SV2C: variants seen among roughly 807,000 people sequenced by gnomAD.
SV2C encodes the protein synaptic vesicle glycoprotein 2C, also known as solute carrier family 22 member B3.
Under a neutral mutation model 79.7 loss-of-function variants are expected in SV2C, and 49 were observed. The observed-to-expected ratio is 0.61, with a 90% CI of 0.49 to 0.78. The LOEUF is 0.78. SV2C is among the 30% of genes least tolerant of loss of function. SV2C has a pLI of 0.00. For missense variants in SV2C, 833 were observed against 912.9 expected, an observed-to-expected ratio of 0.91 and a Z score of 1.13; for synonymous variants, 334 against 333.2, an observed-to-expected ratio of 1.00 and a Z score of -0.03.
At chr5:76,046,656 A>G in the SV2C span, among the ~76,000 whole-genome samples, 1 of 152,222 alleles carries the variant, frequency 6.6e-6, no homozygotes, top group Non-Finnish European at 1.5e-5. Flanking sequence ...AAGCGCTATC[A>G]TAATAAGGAA....
intron 12 of SV2C, among the ~76,000 whole-genome samples, chr5:76,310,937 A>C (rs1748415438): frequency 6.6e-6 from 1 of 152,242 alleles, no homozygotes; most frequent in Admixed American, 6.5e-5. Flanking sequence ...GCCTGGAAGC[A>C]AGTGGTCAAA....
At position 76,132,282 on chromosome 5, in the gene SV2C, A is replaced by G; in HGVS notation, c.532A>G (p.Ser178Gly). Residue 178 changes from serine to glycine, a missense_variant, in exon 2 of 13, where the codon AGT becomes GGT. Coordinates refer to ENST00000502798, the MANE Select transcript of SV2C (RefSeq NM_014979.4). ...EVFVVGFVLP[S>G]AETDLCIPNS... is the part of the protein sequence containing the mutation. Reference sequence around the variant, plus strand: ...GTTTGTCGTTGGCTTCGTGTTACCCAGTGCTGAGACAGACCTCTGCATCCC... The same window carrying G: ...GTTTGTCGTTGGCTTCGTGTTACCCGGTGCTGAGACAGACCTCTGCATCCC... 1 of 1,613,990 alleles carries G rather than the reference A, an allele frequency of 6.2e-7. No individual in the cohort carries two copies. The highest frequency in any genetic ancestry group is 8.5e-7 in the Non-Finnish European group (1 of 1,179,944).
the SV2C span, among the ~76,000 whole-genome samples, chr5:76,048,961 AAAAGAGAAAG>A: frequency 1.4e-4 from 17 of 121,084 alleles, no homozygotes; most frequent in African/African-American, 4.5e-4. Flanking sequence ...GAGAGAAAGA[AAAAGAGAAAG>A]AAAGAAAGAA....
At chr5:76,040,044 C>T in the SV2C span, among the ~76,000 whole-genome samples, 13,047 of 152,032 alleles carry the variant, frequency 0.086, 1,808 homozygotes, top group African/African-American at 0.29. Flanking sequence ...AATACATGTA[C>T]GTATATGTGT....
At chr5:76,052,199 A>G in the SV2C span, among the ~76,000 whole-genome samples, 49 of 152,184 alleles carry the variant, frequency 3.2e-4, no homozygotes, top group Non-Finnish European at 6.3e-4. Context: ...AATTCTGAGA[A>G]ATTTTTAAAT....
the SV2C span, among the ~76,000 whole-genome samples, chr5:75,992,413 A>G: frequency 6.6e-6 from 1 of 152,052 alleles, no homozygotes; most frequent in Non-Finnish European, 1.5e-5. Context: ...CAACTGTCAT[A>G]GTTTAGTTAA....
chr5:75,999,288 A>G, the SV2C span, among the ~76,000 whole-genome samples: 1 of 151,184 alleles, frequency 6.6e-6, no homozygotes, highest in East Asian at 2.0e-4. Flanking sequence ...ATGTACATAT[A>G]TATACAGTAT....
At chr5:76,115,752 T>C (rs1436624547) in intron 1 of SV2C, among the ~76,000 whole-genome samples, 1 of 152,236 alleles carries the variant, frequency 6.6e-6, no homozygotes, top group Non-Finnish European at 1.5e-5. Context: ...TACATTCTTC[T>C]AGATCTTGTC....
At chr5:75,856,889 G>A in the SV2C span, among the ~76,000 whole-genome samples, 1 of 151,530 alleles carries the variant, frequency 6.6e-6, no homozygotes, top group African/African-American at 2.4e-5. Context: ...GTCCTGGAGA[G>A]GTTTTCCCAA....
At chr5:76,093,345 C>A (rs1006246250) in intron 1 of SV2C, among the ~76,000 whole-genome samples, 3 of 152,130 alleles carry the variant, frequency 2.0e-5, no homozygotes, top group Non-Finnish European at 4.4e-5. Flanking sequence ...CTTGCTTCTG[C>A]CAGTGGACAT....
chr5:76,281,189 G>T, intron 4 of SV2C: 1 of 534,610 alleles, frequency 1.9e-6, no homozygotes, highest in Non-Finnish European at 3.8e-6. Context: ...CTTAAAAAAA[G>T]TAAGCCGACA....
Position 76,326,820 on chromosome 5 carries a change from AG to A in SV2C, c.*1275del, listed in dbSNP as rs1561319425. On this transcript the variant is annotated 3_prime_UTR_variant, in exon 13 of 13. Transcript: ENST00000502798. The stretch of plus-strand genomic sequence containing the variant: ...TGGGCTTGGAAGAAAGAGGTCAGCC[AG>A]GACATTCCCACGGGCCCGCTGTCAG... 2 of 152,308 alleles carry A rather than the reference AG, an allele frequency of 1.3e-5. No homozygotes were observed. Among genetic ancestry groups the A allele is most frequent in the Non-Finnish European group, 1.5e-5 (1 of 68,132 alleles). 9.4% of individuals were successfully genotyped at this position (152,308 alleles called of 1,614,324 possible). A position where few individuals can be genotyped will look rare whatever the true frequency, so the allele number is the denominator to read the frequency against.
At chr5:75,990,912 A>G in the SV2C span, among the ~76,000 whole-genome samples, 1 of 151,994 alleles carries the variant, frequency 6.6e-6, no homozygotes, top group Non-Finnish European at 1.5e-5. Flanking sequence ...CTGATATGAG[A>G]AGGGCAGATT....
chr5:76,253,794 C>A (rs1198068104), intron 4 of SV2C, among the ~76,000 whole-genome samples: 1 of 151,684 alleles, frequency 6.6e-6, no homozygotes, highest in African/African-American at 2.4e-5. Context: ...TTTAATATCA[C>A]CGAGTCAAAA....
At chr5:76,282,518 G>A (rs547515758) in intron 4 of SV2C, among the ~76,000 whole-genome samples, 2 of 152,338 alleles carry the variant, frequency 1.3e-5, no homozygotes, top group South Asian at 4.1e-4. Context: ...AAGTCAACCT[G>A]TTTTTGTGAT....
chr5:76,009,451 A>T, the SV2C span, among the ~76,000 whole-genome samples: 1 of 152,360 alleles, frequency 6.6e-6, no homozygotes, highest in East Asian at 1.9e-4. Flanking sequence ...TCAAAAAGAC[A>T]CACACACTTG....
chr5:75,912,809 T>C, the SV2C span, among the ~76,000 whole-genome samples: 1 of 152,220 alleles, frequency 6.6e-6, no homozygotes, highest in Admixed American at 6.5e-5. Flanking sequence ...ACAGAAAATT[T>C]CTGCAGAATT....
chr5:76,332,974 A>G lies in SV2C; in HGVS notation c.*7427A>G, dbSNP rs948102470. 8 of 152,268 alleles carry G rather than the reference A, an allele frequency of 5.3e-5. No homozygotes were observed. Among genetic ancestry groups the G allele is most frequent in the Non-Finnish European group, 1.0e-4 (7 of 68,038 alleles). The allele number at this position is 152,268 out of a possible 1,614,324, so 9.4% of individuals were successfully genotyped here. A position where few individuals can be genotyped will look rare whatever the true frequency, so the allele number is the denominator to read the frequency against. ...TTCTGCATTTGTATTGACTCAGAAT[A>G]GGACCCAGTACAGAGAATCCACTGT... On this transcript the variant is annotated 3_prime_UTR_variant, in exon 13 of 13. Transcript: ENST00000502798.
the SV2C span, among the ~76,000 whole-genome samples, chr5:76,021,263 T>C: frequency 6.6e-6 from 1 of 152,222 alleles, no homozygotes; most frequent in African/African-American, 2.4e-5. Flanking sequence ...GTTTTTTGAA[T>C]TCATATATTT....
Sources: allele counts gnomAD v4.1 joint callset (sites outside exome capture counted in the v4.1 genomes callset), GRCh38; gene constraint gnomAD v4.1.1; transcripts MANE v1.5; gene names NCBI Gene and HGNC (gene_info 2026-07-23, HGNC 2026-07-21).